CCDC57: variants seen among roughly 807,000 people sequenced by gnomAD.
CCDC57 encodes the protein coiled-coil domain-containing protein 57.
Under a neutral mutation model 118.9 loss-of-function variants are expected in CCDC57, and 118 were observed. The ratio of observed to expected loss-of-function variants is 0.99; its 90% CI spans 0.86 to 1.16. CCDC57 has a LOEUF of 1.16. Among genes scored for constraint, CCDC57 ranks in the 50% most tolerant of loss-of-function variants. The pLI is 0.00. For synonymous variants in CCDC57, 527 were observed against 532.9 expected (o/e 0.99, Z 0.15); for missense variants, 1,300 against 1,320.7 (o/e 0.98, Z 0.24).
intron 16 of CCDC57, among the ~76,000 whole-genome samples, chr17:82,146,421 G>A (rs2040744792): frequency 6.6e-6 from 1 of 151,960 alleles, no homozygotes; most frequent in Non-Finnish European, 1.5e-5. Flanking sequence ...CCAGGCTGGA[G>A]TGCAGTGATT....
intron 16 of CCDC57, among the ~76,000 whole-genome samples, chr17:82,149,591 C>T (rs1012918114): frequency 2.0e-5 from 3 of 152,226 alleles, no homozygotes; most frequent in African/African-American, 4.8e-5. Flanking sequence ...GTCCCCAGAG[C>T]GCCCGCAGCT....
chr17:82,149,300 G>A (rs900153741), intron 16 of CCDC57, among the ~76,000 whole-genome samples: 7 of 151,684 alleles, frequency 4.6e-5, no homozygotes, highest in African/African-American at 1.7e-4. Context: ...ATGGGTGGTT[G>A]GATAGATGGA....
intron 14 of CCDC57, among the ~76,000 whole-genome samples, chr17:82,161,578 G>A (rs186478230): frequency 6.6e-6 from 1 of 152,334 alleles, no homozygotes; most frequent in African/African-American, 2.4e-5. Context: ...GGGAAGGAAT[G>A]ACGTTCTGAC....
chr17:82,111,469 CCCGGG>C (rs1045989960), intron 19 of CCDC57, among the ~76,000 whole-genome samples: 1 of 151,198 alleles, frequency 6.6e-6, no homozygotes, highest in African/African-American at 2.4e-5. Flanking sequence ...GCTTCAACCT[CCCGGG>C]CTCAAACGAT....
At chr17:82,116,043 C>T (rs191590346) in intron 19 of CCDC57, among the ~76,000 whole-genome samples, 70 of 150,668 alleles carry the variant, frequency 4.6e-4, no homozygotes, top group African/African-American at 1.4e-3. Flanking sequence ...ATGATCCACC[C>T]GCCTCAGCCT....
chr17:82,186,505 G>A (rs562613277), intron 8 of CCDC57, among the ~76,000 whole-genome samples: 6 of 152,242 alleles, frequency 3.9e-5, no homozygotes, highest in African/African-American at 4.8e-5. Flanking sequence ...CATGCATGGC[G>A]TCTTCAACCA....
At chr17:82,163,453 G>A in intron 13 of CCDC57, 96 bp from the exon 13 acceptor site, 2 of 1,466,492 alleles carry the variant, frequency 1.4e-6, no homozygotes, top group Non-Finnish European at 1.8e-6. Context: ...CCTTTCCCGT[G>A]AGGCCATGGC....
chr17:82,128,922 GTTTT>G (rs765506600), intron 17 of CCDC57, among the ~76,000 whole-genome samples: 1 of 147,638 alleles, frequency 6.8e-6, no homozygotes, highest in African/African-American at 2.5e-5. Context: ...CTGCTTTTTT[GTTTT>G]TTTTTTTTTT....
Position 82,188,348 on chromosome 17 carries a change from T to C in CCDC57, c.923A>G (p.Glu308Gly), listed in dbSNP as rs567920932. 115 of 1,610,586 alleles carry C rather than the reference T, an allele frequency of 7.1e-5. 1 individual carries two copies. The South Asian group carries it at 1.1e-3, about 16-fold the overall frequency. Reference sequence around the variant, plus strand: ...CCTGGTCTGCAGCTCCTGCAGCTGCTCCACGTGGGCTCCCTTCACCGCCAC... The same window carrying C: ...CCTGGTCTGCAGCTCCTGCAGCTGCCCCACGTGGGCTCCCTTCACCGCCAC... Residue 308 changes from glutamate (E) to glycine (G), a missense_variant, in exon 8 of 20, where the codon GAG becomes GGG. By Grantham distance (98) the Glu-to-Gly change is moderately conservative (BLOSUM62 -2). Coordinates refer to ENST00000665763, the Ensembl canonical transcript of CCDC57.
At chr17:82,153,315 G>C (rs2042289061) in intron 15 of CCDC57, 1 of 152,230 alleles carries the variant, frequency 6.6e-6, no homozygotes, top group Admixed American at 6.5e-5. Flanking sequence ...GGGTTATTTT[G>C]TTATTTTAAC....
chr17:82,103,344 C>T (rs1192457788), intron 19 of CCDC57, among the ~76,000 whole-genome samples: 3 of 152,244 alleles, frequency 2.0e-5, no homozygotes, highest in South Asian at 2.1e-4. Flanking sequence ...GGGCCCTGGA[C>T]GCTGCCTGCT....
intron 19 of CCDC57, among the ~76,000 whole-genome samples, chr17:82,105,363 A>G (rs995680064): frequency 1.2e-4 from 18 of 152,062 alleles, no homozygotes; most frequent in African/African-American, 4.3e-4. Context: ...AACCCTTCTC[A>G]AATGCATCTA....
At chr17:82,134,300 C>A in intron 16 of CCDC57, 106 bp from the exon 16 acceptor site, 1 of 1,119,378 alleles carries the variant, frequency 8.9e-7, no homozygotes, top group Non-Finnish European at 1.1e-6. Context: ...TTTTCAAAAC[C>A]AAAGTAACTT....
intron 3 of CCDC57, 107 bp downstream of exon 2, chr17:82,201,431 G>A (rs1290234518): frequency 4.5e-6 from 6 of 1,331,956 alleles, no homozygotes; most frequent in Non-Finnish European, 5.0e-6. Context: ...AGCAGCGGGA[G>A]GAGGGGCAGT....
intron 7 of CCDC57, among the ~76,000 whole-genome samples, chr17:82,188,690 T>C (rs1199675950): frequency 2.6e-5 from 4 of 152,218 alleles, no homozygotes; most frequent in African/African-American, 7.2e-5. Flanking sequence ...AGAGCACAGT[T>C]TGATCCGATC....
chr17:82,210,184 T>C (rs1242231503), intron 1 of CCDC57, among the ~76,000 whole-genome samples: 1 of 152,050 alleles, frequency 6.6e-6, no homozygotes, highest in Admixed American at 6.6e-5. Context: ...ATCCATGGAA[T>C]AAAAAGATGC....
chr17:82,158,076 C>T, intron 14 of CCDC57, 128 bp from the exon 14 acceptor site: 4 of 1,446,274 alleles, frequency 2.8e-6, no homozygotes, highest in Non-Finnish European at 3.6e-6. Context: ...GGGCCTCCTC[C>T]CCAGCTGGAT....
intron 1 of CCDC57, among the ~76,000 whole-genome samples, chr17:82,210,435 G>A (rs918083002): frequency 6.6e-6 from 1 of 151,852 alleles, no homozygotes; most frequent in African/African-American, 2.4e-5. Context: ...ACTTTCGGAG[G>A]CCAAGGCGGG....
At position 82,167,205 on chromosome 17, in the gene CCDC57, G is replaced by A. The variant is rs540999761; in HGVS notation, c.1883-3848C>T. ...CCCCAGAAGGAAAGAGTGTGGAGCC[G>A]AAAAAATTACTTGAAAAATAATGAA... On this transcript the variant is annotated intron_variant, in intron 13 of 19. Coordinates refer to ENST00000665763, the Ensembl canonical transcript of CCDC57. Among the ~76,000 whole-genome samples the A allele has an allele frequency of 3.3e-5, 5 of 151,884 alleles. No individual in the cohort carries two copies. The East Asian group carries it at 5.8e-4, about 18-fold the overall frequency.
Sources: gnomAD v4.1 joint callset for allele counts (sites outside exome capture counted in the v4.1 genomes callset) on GRCh38, gnomAD v4.1.1 for gene constraint, MANE v1.5 for transcripts, NCBI Gene and HGNC (gene_info 2026-07-23, HGNC 2026-07-21) for gene names.